SMARCE1: variants seen among roughly 807,000 people sequenced by gnomAD.
SMARCE1 encodes SWI/SNF related BAF chromatin remodeling complex subunit E1, also known as SWI/SNF-related matrix-associated actin-dependent regulator of chromatin subfamily E member 1.
Under a neutral mutation model 54.9 loss-of-function variants are expected in SMARCE1, and 13 were observed. The observed-to-expected ratio is 0.24, with a 90% CI of 0.15 to 0.38. SMARCE1 has a LOEUF of 0.38. SMARCE1 is among the 10% of genes least tolerant of loss of function. The pLI is 1.00. For synonymous variants in SMARCE1, 151 were observed against 175.3 expected (o/e 0.86, Z 1.10); for missense variants, 295 against 523.8 (o/e 0.56, Z 4.26).
Position 40,628,120 on chromosome 17 carries a change from G to C in SMARCE1, c.*665C>G, listed in dbSNP as rs2037053653. On this transcript the variant is annotated 3_prime_UTR_variant, in exon 11 of 11. Transcript: ENST00000348513. ...GGATGGATTTACCAGAACATACCCA[G>C]TATTAATCATAACAAAAAGCAGTAT... is the stretch of plus-strand genomic sequence containing the variant. 6.6e-6 allele frequency: 1 copy of C among 152,584 alleles called. No individual in the cohort carries two copies. Among genetic ancestry groups the C allele is most frequent in the African/African-American group, 2.4e-5 (1 of 41,444 alleles). 9.5% of individuals were successfully genotyped at this position (152,584 alleles called of 1,614,324 possible).
chr17:40,630,024 C>T (rs1447096005), intron 10 of SMARCE1: 2 of 437,882 alleles, frequency 4.6e-6, no homozygotes, highest in East Asian at 6.9e-5. Flanking sequence ...TGCAACGATG[C>T]TCCAGGAAGC....
At position 40,627,636 on chromosome 17, in the gene SMARCE1, G is replaced by A. The variant is rs938937817; in HGVS notation, c.*1149C>T. ...AATGGCTGAGTGGTCATTCCACACT[G>A]TCACTGCATTACAGAAAAAAACTGG... On this transcript the variant is annotated 3_prime_UTR_variant, in exon 11 of 11. Transcript: ENST00000348513. 1 of 152,524 alleles carries A rather than the reference G, an allele frequency of 6.6e-6. No individual in the cohort carries two copies. The highest frequency in any genetic ancestry group is 1.5e-5 in the Non-Finnish European group (1 of 67,992). 9.4% of individuals were successfully genotyped at this position (152,524 alleles called of 1,614,324 possible). A position where few individuals can be genotyped will look rare whatever the true frequency, so the allele number is the denominator to read the frequency against.
intron 4 of SMARCE1, among the ~76,000 whole-genome samples, chr17:40,639,295 T>A (rs1018303105): frequency 3.9e-5 from 6 of 152,264 alleles, no homozygotes; most frequent in Middle Eastern, 6.8e-3. Context: ...TCTTCACACA[T>A]AAAGTTACTA....
chr17:40,632,497 T>C, intron 7 of SMARCE1, 130 bp from the exon 8 acceptor site: 1 of 682,244 alleles, frequency 1.5e-6, no homozygotes, highest in East Asian at 2.7e-5. Context: ...CCCAGCGTCA[T>C]GGGAGCACTG....
In SMARCE1 at chr17:40,630,820, G is replaced by A. The variant is rs888776519; in HGVS notation, c.921C>T (p.Ala307=). Residue 307 remains alanine, a synonymous_variant, in exon 10 of 11, where the codon GCC becomes GCT. Transcript: ENST00000348513. ...TCTGACTGCGCTCAGCTTGCTCTGC[G>A]GCCTCCTTCTCCCTTTCCTCCTGCC... ...RKRQEEREKE[A]AEQAERSQSS... 29 of 1,613,788 alleles carry A rather than the reference G, an allele frequency of 1.8e-5. No individual in the cohort carries two copies. Among genetic ancestry groups the A allele is most frequent in the African/African-American group, 8.0e-5 (6 of 74,818 alleles).
Position 40,642,039 on chromosome 17 carries a change from G to T in SMARCE1, c.156+416C>A. 4.2e-6 allele frequency: 1 copy of T among 239,304 alleles called. No individual in the cohort carries two copies. Among genetic ancestry groups the T allele is most frequent in the Non-Finnish European group, 7.9e-6 (1 of 126,766 alleles). 14.8% of individuals were successfully genotyped at this position (239,304 alleles called of 1,614,324 possible). A position where few individuals can be genotyped will look rare whatever the true frequency, so the allele number is the denominator to read the frequency against. ...ATTCAAACTGGTGTACCAGCCAAAA[G>T]CTTTCCAGCCCTGAAAAAGCCAGGT... On this transcript the variant is annotated intron_variant, in intron 4 of 10. Coordinates refer to ENST00000348513, the MANE Select transcript of SMARCE1 (RefSeq NM_003079.5). This position sits in a 1 kb window ranked among gnomAD's most constrained non-coding sequence, Gnocchi z 4.6.
chr17:40,644,837 G>A (rs1210756888), intron 3 of SMARCE1: 4 of 151,900 alleles, frequency 2.6e-5, no homozygotes, highest in African/African-American at 9.7e-5. Context: ...TGCTAACAGT[G>A]TTTTTTTAAA....
chr17:40,627,015 T>A lies in SMARCE1; in HGVS notation c.*1770A>T, dbSNP rs1368524815. On this transcript the variant is annotated 3_prime_UTR_variant, in exon 11 of 11. Transcript: ENST00000348513. Reference sequence around the variant, plus strand: ...TTAGAGCTTTCGATACCACAGTAAATAACCTGGTATCTTGCTGGGGCAGTT... The same window carrying A: ...TTAGAGCTTTCGATACCACAGTAAAAAACCTGGTATCTTGCTGGGGCAGTT... 6.6e-6 allele frequency: 1 copy of A among 152,140 alleles called. No individual in the cohort carries two copies. The highest frequency in any genetic ancestry group is 1.5e-5 in the Non-Finnish European group (1 of 68,036). 9.4% of individuals were successfully genotyped at this position (152,140 alleles called of 1,614,324 possible).
chr17:40,645,784 A>AT lies in SMARCE1; in HGVS notation c.7+11dup, dbSNP rs2144015604. On this transcript the variant is annotated intron_variant, in intron 2 of 10. Coordinates refer to ENST00000348513, the MANE Select transcript of SMARCE1 (RefSeq NM_003079.5). ...TTAACATAGATTGATAAATATAAAAATTGAAACTTACTTGACATTTTGGAA... is the reference window on the plus strand; with the variant it reads ...TTAACATAGATTGATAAATATAAAAATTTGAAACTTACTTGACATTTTGGAA... 1 of 1,175,416 alleles carries AT rather than the reference A, an allele frequency of 8.5e-7. No homozygotes were observed. Among genetic ancestry groups the AT allele is most frequent in the Non-Finnish European group, 1.2e-6 (1 of 863,378 alleles). 72.8% of individuals were successfully genotyped at this position (1,175,416 alleles called of 1,614,324 possible).
chr17:40,638,562 C>G (rs1364743656), intron 4 of SMARCE1, among the ~76,000 whole-genome samples: 1 of 151,938 alleles, frequency 6.6e-6, no homozygotes, highest in Non-Finnish European at 1.5e-5. Flanking sequence ...TCTGGTAGAC[C>G]ACCCAGATAA....
chr17:40,632,210 G>A lies in SMARCE1; in HGVS notation c.699C>T (p.Ser233=). ...RMQVLKRQVQ[S]LMVHQRKLEA... ...ATGACTTTACCTGATGAACCATTAA[G>A]GACTGGACCTGCCGTTTGAGGACCT... Residue 233 remains serine, a synonymous_variant, in exon 8 of 11, where the codon TCC becomes TCT. Transcript: ENST00000348513. 1 of 1,612,914 alleles carries A rather than the reference G, an allele frequency of 6.2e-7. No individual in the cohort carries two copies. The highest frequency in any genetic ancestry group is 1.1e-5 in the South Asian group (1 of 91,034).
chr17:40,640,733 A>G (rs2037191204), intron 4 of SMARCE1: 1 of 152,224 alleles, frequency 6.6e-6, no homozygotes. Context: ...TGTTAAGAGG[A>G]CAATAATACA....
Position 40,629,407 on chromosome 17 carries a change from G to A in SMARCE1, c.1028-414C>T, listed in dbSNP as rs879381062. On this transcript the variant is annotated intron_variant, in intron 10 of 10. Transcript: ENST00000348513. The stretch of plus-strand genomic sequence containing the variant: ...CTTAACTTTTAAAAATATGTCACTA[G>A]TAGAAAATATAAAATTTCACGTGAC... 214 of 550,792 alleles carry A rather than the reference G, an allele frequency of 3.9e-4. 3 individuals carry two copies. In the East Asian group the frequency reaches 6.7e-3, roughly 17 times the overall value. The allele number at this position is 550,792 out of a possible 1,614,324, so 34.1% of individuals were successfully genotyped here. A position where few individuals can be genotyped will look rare whatever the true frequency, so the allele number is the denominator to read the frequency against.
Position 40,642,410 on chromosome 17 carries a change from C to A in SMARCE1, c.156+45G>T. On this transcript the variant is annotated intron_variant, in intron 4 of 10. Transcript: ENST00000348513. The surrounding 1 kb of genome is among the most constrained non-coding windows in gnomAD (Gnocchi z 4.6). The stretch of plus-strand genomic sequence containing the variant: ...ACCTAATTCTGAAGGCATTTCTGGT[C>A]AATTCCAGTTGTTTGCCGGATGCTG... The A allele has an allele frequency of 8.4e-7, 1 of 1,193,230 alleles. No individual in the cohort carries two copies. The highest frequency in any genetic ancestry group is 1.2e-5 in the South Asian group (1 of 82,768). The allele number at this position is 1,193,230 out of a possible 1,614,324, so 73.9% of individuals were successfully genotyped here.
At chr17:40,639,573 C>T (rs945323165) in intron 4 of SMARCE1, among the ~76,000 whole-genome samples, 1 of 152,070 alleles carries the variant, frequency 6.6e-6, no homozygotes, top group Non-Finnish European at 1.5e-5. Flanking sequence ...CCTCCTTTCT[C>T]CCAAAGAAAG....
chr17:40,636,771 G>T, intron 5 of SMARCE1: 1 of 335,438 alleles, frequency 3.0e-6, no homozygotes, highest in African/African-American at 2.1e-5. Flanking sequence ...ACTTCAATTT[G>T]ATAAGCAAGA....
rs1597751895 is a variant in SMARCE1, at chr17:40,645,437, G to A, written c.51+139C>T. Reference sequence around the variant, plus strand: ...TGCAAATAATTATTTTATTTAGTAGGAAGTGCTTTTTTTTTTTTCTTTTAA... The same window carrying A: ...TGCAAATAATTATTTTATTTAGTAGAAAGTGCTTTTTTTTTTTTCTTTTAA... On this transcript the variant is annotated intron_variant, in intron 3 of 10. Coordinates refer to ENST00000348513, the MANE Select transcript of SMARCE1 (RefSeq NM_003079.5). 1.5e-5 allele frequency: 8 copies of A among 526,690 alleles called. No homozygotes were observed. The South Asian group carries it at 2.6e-4, about 17-fold the overall frequency. The allele number at this position is 526,690 out of a possible 1,614,324, so 32.6% of individuals were successfully genotyped here. A position where few individuals can be genotyped will look rare whatever the true frequency, so the allele number is the denominator to read the frequency against.
rs957266501 is a variant in SMARCE1 at position 40,626,253 on chromosome 17, G to T, written c.*2532C>A. On this transcript the variant is annotated 3_prime_UTR_variant, in exon 11 of 11. Coordinates refer to ENST00000348513, the MANE Select transcript of SMARCE1 (RefSeq NM_003079.5). ...AAAAGGAAAATTGGGTGACTATCGA[G>T]GATTCCCCTCTCCCATTTGTTAAAA... The T allele has an allele frequency of 6.6e-6, 1 of 151,818 alleles. No homozygotes were observed. The highest frequency in any genetic ancestry group is 2.4e-5 in the African/African-American group (1 of 41,304). The allele number at this position is 151,818 out of a possible 1,614,324, so 9.4% of individuals were successfully genotyped here.
At chr17:40,639,156 C>A (rs560646685) in intron 4 of SMARCE1, among the ~76,000 whole-genome samples, 2 of 152,118 alleles carry the variant, frequency 1.3e-5, no homozygotes, top group African/African-American at 4.8e-5. Flanking sequence ...TGGAAACTGT[C>A]AAAAGTGGTA....
Sources: allele counts gnomAD v4.1 joint callset (sites outside exome capture counted in the v4.1 genomes callset), GRCh38; gene constraint gnomAD v4.1.1; non-coding constraint Gnocchi (gnomAD v3.1); transcripts MANE v1.5; gene names NCBI Gene and HGNC (gene_info 2026-07-23, HGNC 2026-07-21).